CUL5: variants seen among roughly 807,000 people sequenced by gnomAD.
CUL5 encodes cullin 5.
In CUL5, 26 loss-of-function variants were observed where a neutral mutation model predicts 108.8. The observed-to-expected ratio is 0.24, with a 90% CI of 0.18 to 0.33. The LOEUF (loss-of-function observed/expected upper bound fraction) is 0.33. Among genes scored for constraint, CUL5 ranks in the 10% least tolerant of loss-of-function variants. CUL5 has a pLI of 1.00. For missense variants in CUL5, 524 were observed against 909.2 expected (o/e 0.58, Z 5.45); for synonymous variants, 334 against 298.0 (o/e 1.12, Z -1.25).
chr11:108,079,087 GTAT>G (rs1037195769), intron 11 of CUL5, among the ~76,000 whole-genome samples: 1 of 151,954 alleles, frequency 6.6e-6, no homozygotes, highest in South Asian at 2.1e-4. Context: ...AGCATTTTTT[GTAT>G]TATTTATTAA....
At chr11:108,046,233 C>A (rs1288537115) in intron 2 of CUL5, 37 bp from the exon 3 acceptor site, 1 of 1,383,718 alleles carries the variant, frequency 7.2e-7, no homozygotes, top group Non-Finnish European at 1.0e-6. Flanking sequence ...GTTCTTGTTT[C>A]ATTATTAATG....
intron 1 of CUL5, among the ~76,000 whole-genome samples, chr11:108,013,475 C>T (rs1057211658): frequency 6.6e-6 from 1 of 152,186 alleles, no homozygotes. Context: ...TATTCTCTCT[C>T]TCTGTCTCTT....
At chr11:108,087,033 A>G (rs1289079885) in intron 11 of CUL5, among the ~76,000 whole-genome samples, 2 of 152,196 alleles carry the variant, frequency 1.3e-5, no homozygotes, top group Non-Finnish European at 2.9e-5. Flanking sequence ...ATGGATCATT[A>G]AAAATAAATT....
intron 1 of CUL5, among the ~76,000 whole-genome samples, chr11:108,010,478 ACCTT>A (rs1184607303): frequency 6.6e-6 from 1 of 152,188 alleles, no homozygotes; most frequent in Non-Finnish European, 1.5e-5. Flanking sequence ...ACTGTATATC[ACCTT>A]TTAAAAGGGA....
intron 3 of CUL5, among the ~76,000 whole-genome samples, chr11:108,046,671 C>T (rs1863076578): frequency 6.6e-6 from 1 of 152,168 alleles, no homozygotes; most frequent in Non-Finnish European, 1.5e-5. Context: ...CATCAGTCCA[C>T]ACAGATCTTT....
At chr11:108,079,216 G>A (rs780094433) in intron 11 of CUL5, among the ~76,000 whole-genome samples, 10 of 152,120 alleles carry the variant, frequency 6.6e-5, no homozygotes, top group Non-Finnish European at 1.2e-4. Flanking sequence ...CAATTCTTCT[G>A]CCTCAGCCTC....
At chr11:108,047,891 C>T (rs879825178) in intron 3 of CUL5, among the ~76,000 whole-genome samples, 1 of 151,984 alleles carries the variant, frequency 6.6e-6, no homozygotes, top group Non-Finnish European at 1.5e-5. Context: ...TGAAGAATTA[C>T]CTTGGATGTT....
chr11:108,062,889 A>C (rs890395447), intron 7 of CUL5, among the ~76,000 whole-genome samples: 2 of 152,160 alleles, frequency 1.3e-5, no homozygotes, highest in Non-Finnish European at 2.9e-5. Flanking sequence ...TTGCCCACCC[A>C]GGCTGGAGTG....
intron 1 of CUL5, among the ~76,000 whole-genome samples, chr11:108,029,024 TG>T (rs1284324639): frequency 6.6e-6 from 1 of 152,340 alleles, no homozygotes; most frequent in Non-Finnish European, 1.5e-5. Context: ...TGCTCTACCT[TG>T]AATACATTAA....
intron 10 of CUL5, among the ~76,000 whole-genome samples, chr11:108,074,666 C>T (rs759791869): frequency 2.0e-5 from 3 of 151,988 alleles, no homozygotes; most frequent in African/African-American, 4.8e-5. Context: ...ATTAGCTGGA[C>T]GTGGTGGTAC....
intron 11 of CUL5, among the ~76,000 whole-genome samples, chr11:108,086,055 A>G (rs1198138706): frequency 2.6e-5 from 4 of 152,238 alleles, no homozygotes; most frequent in South Asian, 2.1e-4. Context: ...CTGAGGAAAG[A>G]AAGTGTCTAA....
chr11:108,101,521 C>G (rs915239062), intron 18 of CUL5, among the ~76,000 whole-genome samples: 12 of 152,228 alleles, frequency 7.9e-5, no homozygotes, highest in Non-Finnish European at 1.8e-4. Context: ...ACTACATCTT[C>G]TGTGTGGCTC....
chr11:108,030,600 G>A (rs1298751744), intron 1 of CUL5, among the ~76,000 whole-genome samples: 1 of 152,184 alleles, frequency 6.6e-6, no homozygotes, highest in Non-Finnish European at 1.5e-5. Context: ...TCGTGCCACC[G>A]CGCTCCAGCT....
chr11:108,017,325 G>A (rs1252731569), intron 1 of CUL5, among the ~76,000 whole-genome samples: 1 of 150,332 alleles, frequency 6.7e-6, no homozygotes, highest in Non-Finnish European at 1.5e-5. Flanking sequence ...AGGAGGTTGA[G>A]GCTGCAGTGA....
rs1463823889 is a variant in CUL5, at chr11:108,107,645, TG to T, written c.*3263del. 6.5e-6 allele frequency: 1 copy of T among 152,672 alleles called. No individual in the cohort carries two copies. The highest frequency in any genetic ancestry group is 2.4e-5 in the African/African-American group (1 of 41,470). 9.5% of individuals were successfully genotyped at this position (152,672 alleles called of 1,614,324 possible). A position where few individuals can be genotyped will look rare whatever the true frequency, so the allele number is the denominator to read the frequency against. ...GATGATAATGCTGTACAATTTTAAG[TG>T]GTAGCAGTTTCTGTATGCAGTAGGC... On this transcript the variant is annotated 3_prime_UTR_variant, in exon 19 of 19. Coordinates refer to ENST00000393094, the MANE Select transcript of CUL5 (RefSeq NM_003478.6).
At chr11:108,087,802 T>C (rs1186021307) in intron 11 of CUL5, among the ~76,000 whole-genome samples, 1 of 152,080 alleles carries the variant, frequency 6.6e-6, no homozygotes, top group East Asian at 1.9e-4. Flanking sequence ...CCATCTGTGC[T>C]AAAAATTCAA....
intron 1 of CUL5, among the ~76,000 whole-genome samples, chr11:108,021,525 C>T (rs1862326263): frequency 6.6e-6 from 1 of 152,174 alleles, no homozygotes; most frequent in Admixed American, 6.6e-5. Flanking sequence ...TACTCTGTCA[C>T]TCAGACTGGA....
intron 1 of CUL5, among the ~76,000 whole-genome samples, chr11:108,016,730 G>A (rs1021369585): frequency 1.3e-5 from 2 of 152,128 alleles, no homozygotes; most frequent in Non-Finnish European, 2.9e-5. Context: ...GGAGGCCAAG[G>A]TGAGAGTATT....
At chr11:108,034,878 G>T (rs1862692123) in intron 2 of CUL5, among the ~76,000 whole-genome samples, 1 of 152,034 alleles carries the variant, frequency 6.6e-6, no homozygotes, top group Non-Finnish European at 1.5e-5. Flanking sequence ...TTATATTTAG[G>T]AATTGGTCAG....
Sources: allele counts gnomAD v4.1 joint callset (sites outside exome capture counted in the v4.1 genomes callset), GRCh38; gene constraint gnomAD v4.1.1; transcripts MANE v1.5; gene names NCBI Gene and HGNC (gene_info 2026-07-23, HGNC 2026-07-21).